The following AFAP1L1 variants were observed in gnomAD, a reference collection of about 807,000 sequenced individuals.
AFAP1L1 encodes the protein actin filament associated protein 1 like 1.
AFAP1L1 carries 77 observed loss-of-function variants against 99.8 expected under a neutral mutation model. The observed-to-expected ratio is 0.77, with a 90% CI of 0.64 to 0.93. The LOEUF is 0.93. Ranked by LOEUF, AFAP1L1 falls within the 40% of genes least tolerant of loss-of-function variation. AFAP1L1 has a pLI of 0.00. For missense variants in AFAP1L1, 893 were observed against 996.8 expected (o/e 0.90, Z 1.40); for synonymous variants, 373 against 395.3 (o/e 0.94, Z 0.67).
chr5:149,306,449 C>T (rs763803154), intron 6 of AFAP1L1, 45 bp downstream of exon 6: 2 of 1,542,758 alleles, frequency 1.3e-6, no homozygotes, highest in South Asian at 1.2e-5. Flanking sequence ...GGCTTCTGCC[C>T]TTGCAAAGAG....
rs753355489 is a variant in AFAP1L1 at position 149,310,070 on chromosome 5, C to T, written c.862C>T (p.Gln288Ter). Residue 288 changes from glutamine (Q) to a stop codon, truncating the protein, a stop_gained, in exon 8 of 19, where the codon CAG (glutamine) becomes TAG (stop). Transcript: ENST00000296721. LOFTEE classifies it high-confidence loss of function. ...CAAGAGGCACGAGCTGCGTTTCACC[C>T]AGGGGGCTACCGAGGTCTTGGTGCT... Reference protein sequence around the residue: ...RHKRHELRFTQGATEVLVLAL... With the variant: ...RHKRHELRFT The T allele has an allele frequency of 6.2e-7, 1 of 1,614,088 alleles. No homozygotes were observed. The highest frequency in any genetic ancestry group is 1.1e-5 in the South Asian group (1 of 91,068).
chr5:149,335,260 G>C (rs918251821), intron 17 of AFAP1L1, among the ~76,000 whole-genome samples: 2 of 152,140 alleles, frequency 1.3e-5, no homozygotes, highest in African/African-American at 4.8e-5. Flanking sequence ...GGCCAAGGTG[G>C]GTGGATTGCT....
At chr5:149,332,013 A>G (rs1178774181) in intron 16 of AFAP1L1, among the ~76,000 whole-genome samples, 1 of 152,154 alleles carries the variant, frequency 6.6e-6, no homozygotes. Flanking sequence ...CACTGTCACC[A>G]GAAGATGAGT....
At chr5:149,326,851 C>A (rs1757111207) in intron 15 of AFAP1L1, among the ~76,000 whole-genome samples, 1 of 152,190 alleles carries the variant, frequency 6.6e-6, no homozygotes, top group Admixed American at 6.5e-5. Context: ...TGACTGTACA[C>A]ATGCCAAGGC....
chr5:149,313,999 G>A (rs1199493290), intron 9 of AFAP1L1, among the ~76,000 whole-genome samples: 1 of 152,254 alleles, frequency 6.6e-6, no homozygotes, highest in Non-Finnish European at 1.5e-5. Flanking sequence ...GAAAGCTACA[G>A]TGAGTGGAAC....
At chr5:149,321,536 G>A (rs1756951220) in intron 14 of AFAP1L1, among the ~76,000 whole-genome samples, 1 of 151,188 alleles carries the variant, frequency 6.6e-6, no homozygotes, top group African/African-American at 2.4e-5. Flanking sequence ...AGTCCAGCCT[G>A]GCCAACATGG....
intron 2 of AFAP1L1, 87 bp from the exon 3 acceptor site, chr5:149,300,184 T>C (rs932903093): frequency 1.1e-6 from 1 of 873,482 alleles, no homozygotes; most frequent in African/African-American, 1.7e-5. Context: ...GAGCACTGTG[T>C]CCCATGTGGG....
intron 1 of AFAP1L1, among the ~76,000 whole-genome samples, chr5:149,288,596 G>A (rs551076048): frequency 1.3e-5 from 2 of 152,314 alleles, no homozygotes; most frequent in South Asian, 4.1e-4. Flanking sequence ...GAGTGCGCGT[G>A]TGTGTCACAG....
chr5:149,285,899 G>A (rs572682097), intron 1 of AFAP1L1, among the ~76,000 whole-genome samples: 1 of 152,238 alleles, frequency 6.6e-6, no homozygotes, highest in African/African-American at 2.4e-5. Flanking sequence ...TGAATTCCAG[G>A]TTGTCACTTA....
intron 17 of AFAP1L1, among the ~76,000 whole-genome samples, chr5:149,334,172 A>G (rs528727044): frequency 3.2e-4 from 49 of 152,330 alleles, no homozygotes; most frequent in African/African-American, 1.1e-3. Context: ...TGTCATTATT[A>G]TTGTTGTCCC....
intron 1 of AFAP1L1, among the ~76,000 whole-genome samples, chr5:149,296,319 C>T (rs1006305557): frequency 1.3e-5 from 2 of 152,226 alleles, no homozygotes; most frequent in Non-Finnish European, 2.9e-5. Flanking sequence ...CAGGCGTGAG[C>T]CAACACGCCT....
In AFAP1L1 at chr5:149,282,098, T is replaced by C. The variant is rs6864424; in HGVS notation, c.16+10114T>C. Among the ~76,000 whole-genome samples, 636 of 152,280 alleles carry C rather than the reference T, an allele frequency of 4.2e-3. 7 individuals are homozygous for C. The highest frequency in any genetic ancestry group is 0.014 in the African/African-American group (601 of 41,552). ...AATTCCATTCGGGGAATCCCAGCCT[T>C]GCCCCAAGTAGGGAGTGAAGGTGCA... On this transcript the variant is annotated intron_variant, in intron 1 of 18. Transcript: ENST00000296721.
chr5:149,296,326 G>T (rs868179199), intron 1 of AFAP1L1, among the ~76,000 whole-genome samples: 2 of 152,302 alleles, frequency 1.3e-5, no homozygotes, highest in East Asian at 1.9e-4. Context: ...GAGCCAACAC[G>T]CCTGGCCCAA....
At chr5:149,302,899 A>C (rs1305336398) in intron 5 of AFAP1L1, among the ~76,000 whole-genome samples, 2 of 152,044 alleles carry the variant, frequency 1.3e-5, no homozygotes, top group East Asian at 3.9e-4. Context: ...CCCTACTAAA[A>C]CTGCTAACCC....
chr5:149,324,301 G>C (rs1387003601), intron 15 of AFAP1L1, among the ~76,000 whole-genome samples: 1 of 152,324 alleles, frequency 6.6e-6, no homozygotes, highest in East Asian at 1.9e-4. Flanking sequence ...TTTGGTGTCT[G>C]GTGAGGGCCT....
Position 149,271,991 on chromosome 5 carries a change from G to C in AFAP1L1, c.16+7G>C. On this transcript the variant is annotated splice_region_variant and intron_variant, in intron 1 of 18. Transcript: ENST00000296721. ...GCCATGGACCGAGGCCAGGGTAAGA[G>C]GGGCCGCGACGCCCGCACTTGTTGC... 8.1e-7 allele frequency: 1 copy of C among 1,239,138 alleles called. No homozygotes were observed. The allele number at this position is 1,239,138 out of a possible 1,614,324, so 76.8% of individuals were successfully genotyped here.
intron 13 of AFAP1L1, among the ~76,000 whole-genome samples, chr5:149,319,968 G>T (rs190577243): frequency 7.2e-5 from 11 of 152,356 alleles, no homozygotes; most frequent in African/African-American, 2.4e-4. Context: ...AGAAGCCTTG[G>T]AGTAGTGGCC....
chr5:149,316,241 A>G lies in AFAP1L1; in HGVS notation c.1205A>G (p.Lys402Arg). 6.2e-7 allele frequency: 1 copy of G among 1,614,074 alleles called. No homozygotes were observed. The highest frequency in any genetic ancestry group is 8.5e-7 in the Non-Finnish European group (1 of 1,180,000). The part of the protein sequence containing the change: ...RKITRIIGFS[K>R]KKTLADDLQT... ...ATCACCCGTATCATTGGCTTCTCCA[A>G]GAAGAAGACACTGGCCGATGACCTG... The change falls in exon 11 of 19, where the codon AAG (lysine) becomes AGG (arginine). Residue 402 changes from lysine (K) to arginine (R), a missense_variant. Lys to Arg is a conservative substitution (Grantham distance 26). Transcript: ENST00000296721.
intron 5 of AFAP1L1, among the ~76,000 whole-genome samples, chr5:149,303,162 A>G (rs1447892871): frequency 8.5e-5 from 13 of 152,196 alleles, no homozygotes; most frequent in Non-Finnish European, 1.6e-4. Flanking sequence ...ATCTGATAAT[A>G]GCATATTTGT....
Sources: gnomAD v4.1 joint callset for allele counts (sites outside exome capture counted in the v4.1 genomes callset) on GRCh38, gnomAD v4.1.1 for gene constraint, MANE v1.5 for transcripts, NCBI Gene and HGNC (gene_info 2026-07-23, HGNC 2026-07-21) for gene names.